EPS15: variants seen among roughly 807,000 people sequenced by gnomAD.
EPS15 encodes the protein epidermal growth factor receptor substrate 15.
EPS15 carries 72 observed loss-of-function variants against 113.8 expected under a neutral mutation model. The observed-to-expected ratio is 0.63, with a 90% CI of 0.52 to 0.77. The LOEUF (loss-of-function observed/expected upper bound fraction) is 0.77, where lower values mean the gene tolerates loss of function less well. Ranked by LOEUF, EPS15 falls within the 30% of genes least tolerant of loss-of-function variation. EPS15 has a pLI of 0.00. For synonymous variants in EPS15, 344 were observed against 363.4 expected (o/e 0.95, Z 0.61); for missense variants, 1,048 against 1,045.8 (o/e 1.00, Z -0.03).
At chr1:51,456,285 C>T (rs1473460609) in intron 8 of EPS15, among the ~76,000 whole-genome samples, 1 of 152,040 alleles carries the variant, frequency 6.6e-6, no homozygotes, top group African/African-American at 2.4e-5. Context: ...AATTCAACAC[C>T]CCAAGTTAGA....
intron 11 of EPS15, among the ~76,000 whole-genome samples, chr1:51,442,205 T>C (rs759125363): frequency 6.6e-6 from 1 of 152,172 alleles, no homozygotes; most frequent in Admixed American, 6.5e-5. Context: ...TATCTAAACT[T>C]GACCTATGAG....
At position 51,381,382 on chromosome 1, in the gene EPS15, C is replaced by G. The variant is rs567944749; in HGVS notation, c.2119+12999G>C. On this transcript the variant is annotated intron_variant, in intron 21 of 24. Transcript: ENST00000371733. ...CCGAGATGGGCAGGTCCCTTGAGAT[C>G]AGGAGTTCGAGACCAGCCTGGCCAA... is the stretch of plus-strand genomic sequence containing the variant. Among the ~76,000 whole-genome samples, 19 of 152,296 alleles carry G rather than the reference C, an allele frequency of 1.2e-4. 1 individual carries two copies. The South Asian group carries it at 3.9e-3, about 32-fold the overall frequency.
chr1:51,439,310 TAAC>T (rs1326626005), intron 12 of EPS15, among the ~76,000 whole-genome samples: 4 of 152,168 alleles, frequency 2.6e-5, no homozygotes, highest in Non-Finnish European at 4.4e-5. Flanking sequence ...TGAAAAATTC[TAAC>T]AACCAGTTTT....
chr1:51,452,558 G>C (rs1653665012), intron 8 of EPS15, among the ~76,000 whole-genome samples: 1 of 152,080 alleles, frequency 6.6e-6, no homozygotes, highest in Admixed American at 6.5e-5. Flanking sequence ...TATTTATTGA[G>C]CACTCAATGC....
chr1:51,378,430 G>A (rs897989727), intron 21 of EPS15, among the ~76,000 whole-genome samples: 1 of 152,076 alleles, frequency 6.6e-6, no homozygotes, highest in Admixed American at 6.6e-5. Flanking sequence ...ACTGAGGTGG[G>A]AGGACTGCTT....
intron 1 of EPS15, among the ~76,000 whole-genome samples, chr1:51,495,517 A>G (rs1644310483): frequency 6.6e-6 from 1 of 152,066 alleles, no homozygotes; most frequent in Non-Finnish European, 1.5e-5. Context: ...TAGACCTAAC[A>G]TTTTAAGAAA....
chr1:51,444,133 A>AT, intron 11 of EPS15, among the ~76,000 whole-genome samples: 1 of 152,338 alleles, frequency 6.6e-6, no homozygotes, highest in South Asian at 2.1e-4. Context: ...TTTATAGGCC[A>AT]TAAGAGATTT....
intron 21 of EPS15, among the ~76,000 whole-genome samples, chr1:51,366,254 T>C (rs949505848): frequency 6.6e-6 from 1 of 152,104 alleles, no homozygotes; most frequent in Admixed American, 6.6e-5. Flanking sequence ...TTTTTGTAGA[T>C]ATGGGGTTTT....
intron 1 of EPS15, among the ~76,000 whole-genome samples, chr1:51,494,249 A>C (rs1644290641): frequency 6.6e-6 from 1 of 152,078 alleles, no homozygotes; most frequent in South Asian, 2.1e-4. Context: ...CCACCTCCTT[A>C]ATCACTATTT....
chr1:51,443,525 G>A (rs1652763632), intron 11 of EPS15, among the ~76,000 whole-genome samples: 1 of 151,816 alleles, frequency 6.6e-6, no homozygotes, highest in African/African-American at 2.4e-5. Context: ...AACTCACAAA[G>A]CAGATAATAA....
chr1:51,481,275 G>A lies in EPS15; in HGVS notation c.73C>T (p.Gln25Ter). Residue 25 changes from glutamine (Q) to a stop codon, truncating the protein, a stop_gained and splice_region_variant, in exon 2 of 25, where the codon CAG becomes TAG. Transcript: ENST00000371733. LOFTEE classifies it high-confidence loss of function. ...AAACAATGAAACAAAAATCTTACCTGTCTATAGTATTTTTCATATACAGGA... is the reference window on the plus strand; with the variant it reads ...AAACAATGAAACAAAAATCTTACCTATCTATAGTATTTTTCATATACAGGA... The part of the protein sequence containing the change: ...GNPVYEKYYR[Q>*]VDTGNTGRVL... The A allele has an allele frequency of 7.3e-7, 1 of 1,363,184 alleles. No individual in the cohort carries two copies. Among genetic ancestry groups the A allele is most frequent in the Non-Finnish European group, 1.0e-6 (1 of 954,676 alleles). The allele number at this position is 1,363,184 out of a possible 1,614,324, so 84.4% of individuals were successfully genotyped here.
In EPS15 at chr1:51,370,975, G is replaced by A. The variant is rs145308123; in HGVS notation, c.2120-4946C>T. On this transcript the variant is annotated intron_variant, in intron 21 of 24. Coordinates refer to ENST00000371733, the MANE Select transcript of EPS15 (RefSeq NM_001981.3). The stretch of plus-strand genomic sequence containing the variant: ...CTGTTGCCCAGGCTGGAGTGCGGTC[G>A]TGCGATCTCATCTCACTGCAACTTC... Among the ~76,000 whole-genome samples the A allele has an allele frequency of 9.9e-4, 150 of 152,104 alleles. 1 individual carries two copies. Among genetic ancestry groups the A allele is most frequent in the African/African-American group, 3.3e-3 (137 of 41,510 alleles).
At chr1:51,391,840 G>A (rs1385003889) in intron 21 of EPS15, among the ~76,000 whole-genome samples, 1 of 152,160 alleles carries the variant, frequency 6.6e-6, no homozygotes, top group East Asian at 1.9e-4. Context: ...GATGTCGAAG[G>A]TGCCAAGAAA....
At chr1:51,405,186 C>T (rs901945670) in intron 16 of EPS15, among the ~76,000 whole-genome samples, 1 of 152,222 alleles carries the variant, frequency 6.6e-6, no homozygotes, top group African/African-American at 2.4e-5. Context: ...CACTACTACA[C>T]TGTAGGCTGC....
intron 8 of EPS15, among the ~76,000 whole-genome samples, chr1:51,454,237 T>TGACAAAAG (rs1448518667): frequency 1.3e-5 from 2 of 152,088 alleles, no homozygotes; most frequent in African/African-American, 4.8e-5. Context: ...CAAATATTAC[T>TGACAAAAG]GACAAAAGCT....
intron 1 of EPS15, among the ~76,000 whole-genome samples, chr1:51,508,322 G>GAA (rs1184639616): frequency 3.5e-4 from 45 of 128,866 alleles, no homozygotes; most frequent in East Asian, 1.6e-3. Context: ...AAGAGAGAAA[G>GAA]AGAGAAAGAG....
intron 21 of EPS15, among the ~76,000 whole-genome samples, chr1:51,376,246 TAAATTGACAGTAGA>T (rs1646795145): frequency 6.6e-6 from 1 of 152,232 alleles, no homozygotes; most frequent in Non-Finnish European, 1.5e-5. Context: ...TGAATTAAGA[TAAATTGACAGTAGA>T]AATAAAATAA....
intron 3 of EPS15, 103 bp downstream of exon 3, chr1:51,472,756 A>G (rs1265559326): frequency 1.2e-6 from 1 of 850,074 alleles, no homozygotes; most frequent in African/African-American, 1.7e-5. Flanking sequence ...CTCGGTTCTA[A>G]CTTCTAAATT....
At chr1:51,383,559 C>G (rs1646988780) in intron 21 of EPS15, among the ~76,000 whole-genome samples, 1 of 152,180 alleles carries the variant, frequency 6.6e-6, no homozygotes, top group South Asian at 2.1e-4. Context: ...AAGGTTCAAG[C>G]TCCTATGAGA....
Sources: gnomAD v4.1 joint callset for allele counts (sites outside exome capture counted in the v4.1 genomes callset) on GRCh38, gnomAD v4.1.1 for gene constraint, MANE v1.5 for transcripts, NCBI Gene and HGNC (gene_info 2026-07-23, HGNC 2026-07-21) for gene names.